TSC2: variants seen among roughly 807,000 people sequenced by gnomAD.
TSC2 encodes TSC complex subunit 2, also known as tuberin.
Under a neutral mutation model 202.2 loss-of-function variants are expected in TSC2, and 29 were observed. The observed-to-expected ratio is 0.14, with a 90% CI of 0.11 to 0.20. The LOEUF is 0.20. TSC2 is among the 10% of genes least tolerant of loss of function. The pLI is 1.00. For missense variants in TSC2, 2,429 were observed against 2,420.0 expected, an observed-to-expected ratio of 1.00 and a Z score of -0.08; for synonymous variants, 1,349 against 1,044.0, an observed-to-expected ratio of 1.29 and a Z score of -5.63.
chr16:2,056,384 C>G (rs534873651), intron 7 of TSC2, 140 bp downstream of exon 7: 1 of 1,270,832 alleles, frequency 7.9e-7, no homozygotes, highest in South Asian at 1.3e-5. Context: ...CCTCAGGAGT[C>G]CCCCATGTAA....
intron 14 of TSC2, 94 bp from the exon 15 acceptor site, chr16:2,064,178 G>T (rs1227328626): frequency 3.8e-6 from 6 of 1,592,070 alleles, no homozygotes; most frequent in Non-Finnish European, 5.2e-6. Flanking sequence ...GGACATGTCC[G>T]CTGCTTGCGG....
rs748723491 is a variant in TSC2, at chr16:2,079,522, C to G, written c.3285-35C>G. On this transcript the variant is annotated intron_variant, in intron 28 of 41. Coordinates refer to ENST00000219476, the MANE Select transcript of TSC2 (RefSeq NM_000548.5). The surrounding 1 kb of genome is among the most constrained non-coding windows in gnomAD (Gnocchi z 4.6). ...TGGCACCCTCGTACCAGCCTGGGGACTAAGTCCACCCTGTGCGTGGGATTC... is the reference window on the plus strand; with the variant it reads ...TGGCACCCTCGTACCAGCCTGGGGAGTAAGTCCACCCTGTGCGTGGGATTC... 5.0e-6 allele frequency: 8 copies of G among 1,605,714 alleles called. No individual in the cohort carries two copies. The highest frequency in any genetic ancestry group is 1.3e-5 in the African/African-American group (1 of 74,932).
At chr16:2,053,608 C>G (rs1259815890) in intron 4 of TSC2, 156 bp downstream of exon 4, 3 of 765,876 alleles carry the variant, frequency 3.9e-6, no homozygotes, top group Non-Finnish European at 6.7e-6. Flanking sequence ...GTGGGGTCTC[C>G]TGGTGTCATG....
At position 2,072,225 on chromosome 16, in the gene TSC2, C is replaced by A. The variant is rs764694797; in HGVS notation, c.2098-16C>A. ...GGGTCCAGAAGGCCCTGTCCTGACG[C>A]CTCCTCTCCTCGCAGGAGTCTGACT... On this transcript the variant is annotated splice_polypyrimidine_tract_variant and intron_variant, in intron 19 of 41. Transcript: ENST00000219476. 2.5e-6 allele frequency: 4 copies of A among 1,613,756 alleles called. No individual in the cohort carries two copies. The highest frequency in any genetic ancestry group is 3.4e-6 in the Non-Finnish European group (4 of 1,180,048).
chr16:2,056,308 G>C (rs376590558), intron 7 of TSC2, 64 bp downstream of exon 7: 2 of 1,604,830 alleles, frequency 1.2e-6, no homozygotes, highest in Admixed American at 1.7e-5. Flanking sequence ...CTGGGGCTTG[G>C]GGGTTGAGCC....
rs1202676769 is a variant in TSC2, at chr16:2,084,645, G to A, written c.4423G>A (p.Val1475Ile). ...GGCCCCATCACGCAGGGGCAAGAGA[G>A]TAGAGAGGGACGCCTTAAAGAGCAG... is the stretch of plus-strand genomic sequence containing the variant. ...DSAPSRRGKRVERDALKSRAT... is the reference protein window; with the variant it reads ...DSAPSRRGKRIERDALKSRAT... Residue 1475 changes from valine (V) to isoleucine (I), a missense_variant, in exon 34 of 42, where the codon GTA (valine) becomes ATA (isoleucine). By Grantham distance (29) the Val-to-Ile change is conservative (BLOSUM62 3). Transcript: ENST00000219476. The A allele has an allele frequency of 6.3e-6, 10 of 1,599,790 alleles. No homozygotes were observed. Among genetic ancestry groups the A allele is most frequent in the Admixed American group, 1.7e-5 (1 of 60,018 alleles).
At chr16:2,082,015 G>A (rs2090204334) in intron 31 of TSC2, 9 of 694,648 alleles carry the variant, frequency 1.3e-5, no homozygotes, top group East Asian at 1.1e-4. Context: ...TTCAGAAGCA[G>A]TAGGGGCCCT....
At chr16:2,074,929 AGCCTG>A in intron 22 of TSC2, 1 of 185,414 alleles carries the variant, frequency 5.4e-6, no homozygotes, top group Non-Finnish European at 1.2e-5. Flanking sequence ...GAAGTGTAGA[AGCCTG>A]GCCAGGCGCG....
At position 2,050,410 on chromosome 16, in the gene TSC2, T is replaced by C. The variant is rs1060500955; in HGVS notation, c.149T>C (p.Met50Thr). Residue 50 changes from methionine to threonine, a missense_variant, in exon 3 of 42, where the codon ATG becomes ACG. By Grantham distance (81) the Met-to-Thr change is moderately conservative. Transcript: ENST00000219476. Reference protein sequence around the residue: ...ITAEILRELSMECGLNNRIRM... With the variant: ...ITAEILRELSTECGLNNRIRM... ...TTCATCTCTCTCCAGGAACTGAGCATGGAATGTGGCCTCAACAATCGCATC... is the reference window on the plus strand; with the variant it reads ...TTCATCTCTCTCCAGGAACTGAGCACGGAATGTGGCCTCAACAATCGCATC... 2 of 1,613,872 alleles carry C rather than the reference T, an allele frequency of 1.2e-6. No individual in the cohort carries two copies. The highest frequency in any genetic ancestry group is 1.1e-5 in the South Asian group (1 of 91,086).
At chr16:2,060,604 CTGGG>C in intron 10 of TSC2, 62 bp from the exon 11 acceptor site, 1 of 1,611,940 alleles carries the variant, frequency 6.2e-7, no homozygotes, top group Non-Finnish European at 8.5e-7. Flanking sequence ...CCAAGGGTGA[CTGGG>C]AGGGCGTCCC....
chr16:2,085,900 G>A (rs534643057), intron 36 of TSC2, among the ~76,000 whole-genome samples: 8 of 152,278 alleles, frequency 5.3e-5, no homozygotes, highest in East Asian at 1.9e-4. Flanking sequence ...GATGGTTCCC[G>A]TGGGAGTGGG....
In TSC2 at chr16:2,071,621, G is replaced by A. The variant is rs766646261; in HGVS notation, c.1946+5G>A. ...CTACTGCGTCTGCGACTACATGTAC[G>A]CGGGACCTCGCCCACGGCCCATGAG... On this transcript the variant is annotated splice_donor_5th_base_variant and intron_variant, in intron 18 of 41. Transcript: ENST00000219476. 21 of 1,613,146 alleles carry A rather than the reference G, an allele frequency of 1.3e-5. No individual in the cohort carries two copies. The highest frequency in any genetic ancestry group is 5.3e-5 in the African/African-American group (4 of 74,950).
At chr16:2,062,457 C>G in intron 12 of TSC2, 40 bp from the exon 13 acceptor site, 2 of 1,562,832 alleles carry the variant, frequency 1.3e-6, no homozygotes, top group East Asian at 2.3e-5. Flanking sequence ...AGGAGAGCGC[C>G]GGAGGGGCAG....
rs770137362 is a variant in TSC2 at position 2,058,812 on chromosome 16, G to A, written c.914G>A (p.Gly305Glu). Residue 305 changes from glycine to glutamate, a missense_variant, in exon 10 of 42, where the codon GGA becomes GAA. Coordinates refer to ENST00000219476, the MANE Select transcript of TSC2 (RefSeq NM_000548.5). ...AVFFVGMALW[G>E]AHRLYSLRNS... ...TTTTTTGTGGGCATGGCTCTCTGGG[G>A]AGCCCACCGGCTCTATTCTCTCAGG... is the stretch of plus-strand genomic sequence containing the variant. The A allele has an allele frequency of 6.2e-7, 1 of 1,601,406 alleles. No homozygotes were observed. The highest frequency in any genetic ancestry group is 8.5e-7 in the Non-Finnish European group (1 of 1,173,870).
Position 2,083,823 on chromosome 16 carries a change from G to A in TSC2, c.4005+7G>A, listed in dbSNP as rs2151514474. 2 of 1,609,812 alleles carry A rather than the reference G, an allele frequency of 1.2e-6. No homozygotes were observed. Among genetic ancestry groups the A allele is most frequent in the South Asian group, 1.1e-5 (1 of 90,328 alleles). Reference sequence around the variant, plus strand: ...CACGGATGCCTACAGCAGGGTGAGTGTGGCTCAGAGCCTGGACCCTGCTGA... The same window carrying A: ...CACGGATGCCTACAGCAGGGTGAGTATGGCTCAGAGCCTGGACCCTGCTGA... On this transcript the variant is annotated splice_region_variant and intron_variant, in intron 33 of 41. Coordinates refer to ENST00000219476, the MANE Select transcript of TSC2 (RefSeq NM_000548.5).
chr16:2,072,614 C>G, intron 20 of TSC2: 1 of 799,122 alleles, frequency 1.3e-6, no homozygotes, highest in South Asian at 1.8e-5. Context: ...TGTCTCCCAT[C>G]TGTGCTTTTC....
At chr16:2,075,512 G>A (rs1306576632) in intron 22 of TSC2, among the ~76,000 whole-genome samples, 1 of 122,976 alleles carries the variant, frequency 8.1e-6, no homozygotes, top group Non-Finnish European at 1.6e-5. Context: ...GGGCGACAGA[G>A]CCAGACTCAT....
At chr16:2,052,268 G>GT (rs2085229527) in intron 3 of TSC2, among the ~76,000 whole-genome samples, 1 of 132,518 alleles carries the variant, frequency 7.5e-6, no homozygotes, top group Admixed American at 7.3e-5. Flanking sequence ...GTCTGAATTG[G>GT]TTGGGATGTT....
At chr16:2,063,266 G>A (rs1463646866) in intron 14 of TSC2, 1 of 647,002 alleles carries the variant, frequency 1.5e-6, no homozygotes, top group Non-Finnish European at 2.8e-6. Flanking sequence ...ACGTGGCCAA[G>A]TAGCAAGGAA....
Sources: allele counts gnomAD v4.1 joint callset (sites outside exome capture counted in the v4.1 genomes callset), GRCh38; gene constraint gnomAD v4.1.1; non-coding constraint Gnocchi (gnomAD v3.1); transcripts MANE v1.5; gene names NCBI Gene and HGNC (gene_info 2026-07-23, HGNC 2026-07-21).